ANKRD13A: variants seen among roughly 807,000 people sequenced by gnomAD.
ANKRD13A encodes the protein ankyrin repeat domain 13A.
ANKRD13A carries 48 observed loss-of-function variants against 81.3 expected under a neutral mutation model. The ratio of observed to expected loss-of-function variants is 0.59; its 90% confidence interval spans 0.47 to 0.75. ANKRD13A has a LOEUF of 0.75. ANKRD13A is among the 30% of genes least tolerant of loss of function. The pLI is 0.00. For synonymous variants in ANKRD13A, 230 were observed against 270.1 expected (o/e 0.85, Z 1.45); for missense variants, 612 against 734.0 (o/e 0.83, Z 1.92).
intron 1 of ANKRD13A, among the ~76,000 whole-genome samples, chr12:110,005,112 C>T (rs1890174300): frequency 6.6e-6 from 1 of 152,126 alleles, no homozygotes; most frequent in Non-Finnish European, 1.5e-5. Flanking sequence ...ACTATCACTA[C>T]TGTCAAATTT....
intron 6 of ANKRD13A, chr12:110,021,556 G>A (rs1371393201): frequency 6.5e-6 from 1 of 153,032 alleles, no homozygotes; most frequent in Non-Finnish European, 1.5e-5. Flanking sequence ...CTCCCGAGGA[G>A]CTGGGATTAT....
intron 13 of ANKRD13A, among the ~76,000 whole-genome samples, chr12:110,035,599 A>G (rs1334637756): frequency 2.0e-5 from 3 of 151,958 alleles, no homozygotes; most frequent in Non-Finnish European, 4.4e-5. Context: ...ACAGGTGCGC[A>G]CCACCAGACC....
In ANKRD13A at chr12:110,018,562, C is replaced by A; in HGVS notation, c.544+74C>A. On this transcript the variant is annotated intron_variant, in intron 5 of 14. Transcript: ENST00000261739. This position sits in a 1 kb window ranked among gnomAD's most constrained non-coding sequence, Gnocchi z 4.4. ...TGATTTTTAACCAAGAAAATGCTTT[C>A]ACATTCATGTGACTTTTCTGTCTGA... 1 of 1,543,144 alleles carries A rather than the reference C, an allele frequency of 6.5e-7. No homozygotes were observed. The highest frequency in any genetic ancestry group is 8.9e-7 in the Non-Finnish European group (1 of 1,129,556).
intron 1 of ANKRD13A, among the ~76,000 whole-genome samples, chr12:110,005,584 G>C (rs960660197): frequency 6.6e-6 from 1 of 152,070 alleles, no homozygotes. Flanking sequence ...AATCATATGT[G>C]GCCTTTTGTT....
In ANKRD13A at chr12:109,999,479, G is replaced by T; in HGVS notation, c.-210G>T. The T allele has an allele frequency of 7.5e-6, 2 of 267,348 alleles. No individual in the cohort carries two copies. The highest frequency in any genetic ancestry group is 1.4e-5 in the Non-Finnish European group (2 of 143,522). 16.6% of individuals were successfully genotyped at this position (267,348 alleles called of 1,614,324 possible). On this transcript the variant is annotated 5_prime_UTR_variant, in exon 1 of 15. Transcript: ENST00000261739. The surrounding 1 kb of genome is among the most constrained non-coding windows in gnomAD (Gnocchi z 4.3). ...CGCGGGCGGGAACGCCGCGGGGCGCGGGGTGGGCGCGGCCGACCTGGTCCC... is the reference window on the plus strand; with the variant it reads ...CGCGGGCGGGAACGCCGCGGGGCGCTGGGTGGGCGCGGCCGACCTGGTCCC...
Position 110,018,194 on chromosome 12 carries a change from G to A in ANKRD13A, c.401-151G>A. On this transcript the variant is annotated intron_variant, in intron 4 of 14. Coordinates refer to ENST00000261739, the MANE Select transcript of ANKRD13A (RefSeq NM_033121.2). The surrounding 1 kb of genome is among the most constrained non-coding windows in gnomAD (Gnocchi z 4.4). The stretch of plus-strand genomic sequence containing the variant: ...TTTTATTTTTCAAGAGTGATTTCCT[G>A]TATGGTAAATATGAAAGCCAAGAAG... 2.7e-6 allele frequency: 2 copies of A among 743,226 alleles called. No homozygotes were observed. Among genetic ancestry groups the A allele is most frequent in the East Asian group, 2.7e-5 (1 of 37,058 alleles). The allele number at this position is 743,226 out of a possible 1,614,324, so 46.0% of individuals were successfully genotyped here. A position where few individuals can be genotyped will look rare whatever the true frequency, so the allele number is the denominator to read the frequency against.
chr12:110,014,208 C>T (rs1383913890), intron 3 of ANKRD13A, among the ~76,000 whole-genome samples: 1 of 151,970 alleles, frequency 6.6e-6, no homozygotes, highest in Non-Finnish European at 1.5e-5. Flanking sequence ...GTCAGGAGAC[C>T]GAGACCATCC....
chr12:110,001,994 G>T (rs1037136776), intron 1 of ANKRD13A, among the ~76,000 whole-genome samples: 1 of 148,176 alleles, frequency 6.7e-6, no homozygotes, highest in African/African-American at 2.5e-5. Context: ...TGCCCAGGCT[G>T]GTCTTGAACT....
chr12:110,030,457 G>A (rs1032420087), intron 11 of ANKRD13A, among the ~76,000 whole-genome samples, 188 bp from the exon 12 acceptor site: 7 of 152,002 alleles, frequency 4.6e-5, no homozygotes, highest in African/African-American at 7.2e-5. Context: ...GTAAGCCACC[G>A]CGCCTGACCG....
intron 13 of ANKRD13A, among the ~76,000 whole-genome samples, chr12:110,034,995 A>G (rs1891939003): frequency 6.6e-6 from 1 of 151,996 alleles, no homozygotes; most frequent in African/African-American, 2.4e-5. Flanking sequence ...TCTATTCCTG[A>G]GTCTTAGTGC....
chr12:110,006,708 T>A (rs1239429515), intron 1 of ANKRD13A, among the ~76,000 whole-genome samples: 1 of 152,106 alleles, frequency 6.6e-6, no homozygotes, highest in Non-Finnish European at 1.5e-5. Context: ...GCAATTTTCC[T>A]GCCTCAGCCT....
At chr12:110,031,841 A>G (rs1173031792) in intron 12 of ANKRD13A, among the ~76,000 whole-genome samples, 1 of 151,690 alleles carries the variant, frequency 6.6e-6, no homozygotes, top group African/African-American at 2.4e-5. Context: ...TTGTATTTTG[A>G]CCTTGAATCG....
chr12:110,030,174 T>C (rs1891591861), intron 11 of ANKRD13A, among the ~76,000 whole-genome samples: 1 of 148,906 alleles, frequency 6.7e-6, no homozygotes, highest in Non-Finnish European at 1.5e-5. Context: ...CATTTTCTCT[T>C]TTTTTTTTTT....
intron 6 of ANKRD13A, chr12:110,021,913 C>T (rs1243103728): frequency 6.6e-6 from 1 of 151,936 alleles, no homozygotes; most frequent in Non-Finnish European, 1.5e-5. Context: ...TATTCCCTGC[C>T]ACCTTCATAG....
At chr12:110,013,560 G>A (rs1359742185) in intron 3 of ANKRD13A, among the ~76,000 whole-genome samples, 1 of 151,900 alleles carries the variant, frequency 6.6e-6, no homozygotes, top group East Asian at 1.9e-4. Flanking sequence ...ATTTGCTGAA[G>A]CCCAGGAGTT....
At position 110,019,211 on chromosome 12, in the gene ANKRD13A, A is replaced by T; in HGVS notation, c.617A>T (p.Gln206Leu). Residue 206 changes from glutamine (Q) to leucine (L), a missense_variant, in exon 6 of 15, where the codon CAA becomes CTA. Gln to Leu is a moderately radical substitution (Grantham distance 113, BLOSUM62 -2). Transcript: ENST00000261739. ...VVTTERFDLS[Q>L]EMERLTLDLM... The stretch of plus-strand genomic sequence containing the variant: ...ACCACCGAACGCTTCGACCTTTCCC[A>T]AGAAATGGAGCGCCTCACTCTGGAC... 1 of 1,614,054 alleles carries T rather than the reference A, an allele frequency of 6.2e-7. No individual in the cohort carries two copies. Among genetic ancestry groups the T allele is most frequent in the Non-Finnish European group, 8.5e-7 (1 of 1,179,936 alleles).
chr12:110,019,024 C>T (rs754667334), intron 5 of ANKRD13A, 115 bp from the exon 6 acceptor site: 100 of 1,126,630 alleles, frequency 8.9e-5, no homozygotes, highest in Middle Eastern at 5.5e-4. Flanking sequence ...TAGGTTTTAC[C>T]AGATAGCACC....
At chr12:110,027,392 CT>C (rs1014423431) in intron 8 of ANKRD13A, 7 of 305,216 alleles carry the variant, frequency 2.3e-5, no homozygotes, top group African/African-American at 1.5e-4. Flanking sequence ...GATGAGGGAA[CT>C]GAGGCCCAGA....
intron 1 of ANKRD13A, among the ~76,000 whole-genome samples, chr12:110,006,365 G>T (rs910549358): frequency 2.0e-5 from 3 of 152,130 alleles, no homozygotes; most frequent in Non-Finnish European, 2.9e-5. Flanking sequence ...GTGTGAAGTG[G>T]CATCTCATTG....
Sources: allele counts gnomAD v4.1 joint callset (sites outside exome capture counted in the v4.1 genomes callset), GRCh38; gene constraint gnomAD v4.1.1; non-coding constraint Gnocchi (gnomAD v3.1); transcripts MANE v1.5; gene names NCBI Gene and HGNC (gene_info 2026-07-23, HGNC 2026-07-21).